INPP4A: variants seen among roughly 807,000 people sequenced by gnomAD.
INPP4A encodes inositol polyphosphate-4-phosphatase type I A.
INPP4A carries 33 observed loss-of-function variants against 119.8 expected under a neutral mutation model. The ratio of observed to expected loss-of-function variants is 0.28; its 90% CI spans 0.21 to 0.37. The LOEUF is 0.37. Ranked by LOEUF, INPP4A falls within the 10% of genes least tolerant of loss-of-function variation. The pLI is 1.00. For synonymous variants in INPP4A, 496 were observed against 500.7 expected, an observed-to-expected ratio of 0.99 and a Z score of 0.12; for missense variants, 956 against 1,289.9, an observed-to-expected ratio of 0.74 and a Z score of 3.97.
intron 21 of INPP4A, among the ~76,000 whole-genome samples, chr2:98,567,113 G>T (rs1379966697): frequency 6.6e-6 from 1 of 152,154 alleles, no homozygotes. Context: ...ATTTAAAGTA[G>T]GTCGTTTCGC....
chr2:98,512,380 C>T (rs1039103028), intron 1 of INPP4A, among the ~76,000 whole-genome samples: 4 of 152,204 alleles, frequency 2.6e-5, no homozygotes, highest in Non-Finnish European at 4.4e-5. Context: ...GTTTAGTCTG[C>T]GGAAGGGCAG....
In INPP4A at chr2:98,591,141, T is replaced by C. The variant is rs560511710; in HGVS notation, c.*3533T>C. 5.4e-6 allele frequency: 1 copy of C among 184,290 alleles called. No homozygotes were observed. Among genetic ancestry groups the C allele is most frequent in the South Asian group, 2.0e-4 (1 of 5,102 alleles). 11.4% of individuals were successfully genotyped at this position (184,290 alleles called of 1,614,324 possible). On this transcript the variant is annotated 3_prime_UTR_variant, in exon 25 of 25. Transcript: ENST00000409851. ...AGTCACATATACCTGTCTTTCATTT[T>C]GATGCTTGTTCTGAAATGGAGTCCT...
In INPP4A at chr2:98,568,729, C is replaced by T. The variant is rs1696923691; in HGVS notation, c.2518+61C>T. The stretch of plus-strand genomic sequence containing the variant: ...CTCGTCTTTTTATCAGTTTAGATGT[C>T]TGAGCTCTGGCTTGCCCTGCCTCTG... On this transcript the variant is annotated intron_variant, in intron 22 of 24. Coordinates refer to ENST00000409851, the MANE Select transcript of INPP4A (RefSeq NM_001134225.2). 3 of 932,242 alleles carry T rather than the reference C, an allele frequency of 3.2e-6. No homozygotes were observed. The South Asian group carries it at 4.2e-5, about 13-fold the overall frequency. The allele number at this position is 932,242 out of a possible 1,614,324, so 57.7% of individuals were successfully genotyped here. A position where few individuals can be genotyped will look rare whatever the true frequency, so the allele number is the denominator to read the frequency against.
chr2:98,509,852 A>G (rs1277505055), intron 1 of INPP4A, among the ~76,000 whole-genome samples: 2 of 152,366 alleles, frequency 1.3e-5, no homozygotes, highest in Admixed American at 6.5e-5. Flanking sequence ...GGTGAACCAC[A>G]AGGAGCTGAG....
chr2:98,496,443 C>T (rs959679870), intron 1 of INPP4A, among the ~76,000 whole-genome samples: 6 of 152,088 alleles, frequency 3.9e-5, no homozygotes, highest in East Asian at 3.8e-4. Flanking sequence ...ATAGGTGAGG[C>T]GCTTCAGGAC....
chr2:98,520,581 GT>G, intron 3 of INPP4A, 105 bp from the exon 4 acceptor site: 1 of 734,988 alleles, frequency 1.4e-6, no homozygotes, highest in South Asian at 1.7e-5. Flanking sequence ...TTGCATGGCA[GT>G]TTTTGTTGTT....
rs79316166 is a variant in INPP4A at position 98,576,967 on chromosome 2, C to T, written c.2632-22C>T. On this transcript the variant is annotated intron_variant, in intron 23 of 24. Coordinates refer to ENST00000409851, the MANE Select transcript of INPP4A (RefSeq NM_001134225.2). ...TTCTGTGGAGCCTCGCCTCTAAGCA[C>T]GGCCCATGTTTCTGTTGGCAGATCT... is the stretch of plus-strand genomic sequence containing the variant. The T allele has an allele frequency of 6.0e-4, 969 of 1,603,080 alleles. 2 individuals are homozygous for T. The highest frequency in any genetic ancestry group is 7.9e-4 in the Non-Finnish European group (922 of 1,171,826).
In INPP4A at chr2:98,566,284, CCTTT is replaced by C; in HGVS notation, c.2420+116_2420+119del. On this transcript the variant is annotated intron_variant, in intron 21 of 24. Coordinates refer to ENST00000409851, the MANE Select transcript of INPP4A (RefSeq NM_001134225.2). This position sits in a 1 kb window ranked among gnomAD's most constrained non-coding sequence, Gnocchi z 4.2. ...TGGACAGACTTTGTCATCCTTCCTT[CCTTT>C]GGCCAACATTTTCATCATGGCCGTG... The C allele has an allele frequency of 8.5e-7, 1 of 1,169,922 alleles. No homozygotes were observed. The highest frequency in any genetic ancestry group is 1.2e-6 in the Non-Finnish European group (1 of 862,206). 72.5% of individuals were successfully genotyped at this position (1,169,922 alleles called of 1,614,324 possible). A position where few individuals can be genotyped will look rare whatever the true frequency, so the allele number is the denominator to read the frequency against.
At chr2:98,508,254 G>A (rs76619368) in intron 1 of INPP4A, among the ~76,000 whole-genome samples, 1 of 152,324 alleles carries the variant, frequency 6.6e-6, no homozygotes, top group East Asian at 1.9e-4. Flanking sequence ...TGACAGCTTT[G>A]TGTTTGGGTG....
At chr2:98,527,734 G>T (rs1217052278) in intron 4 of INPP4A, among the ~76,000 whole-genome samples, 1 of 152,198 alleles carries the variant, frequency 6.6e-6, no homozygotes, top group African/African-American at 2.4e-5. Flanking sequence ...TACAGCAAAG[G>T]TCTGTGATTC....
intron 24 of INPP4A, among the ~76,000 whole-genome samples, chr2:98,578,299 C>T (rs146004793): frequency 2.6e-5 from 4 of 152,300 alleles, no homozygotes; most frequent in East Asian, 3.9e-4. Context: ...CACGCCTGTG[C>T]CCATTAGCTG....
chr2:98,504,836 C>T (rs540703963), intron 1 of INPP4A, among the ~76,000 whole-genome samples: 11 of 152,320 alleles, frequency 7.2e-5, no homozygotes, highest in Admixed American at 3.3e-4. Context: ...CTGCTCTTAA[C>T]GTGGCGCTGT....
chr2:98,455,356 A>T (rs1341954407), intron 1 of INPP4A, among the ~76,000 whole-genome samples: 2 of 152,108 alleles, frequency 1.3e-5, no homozygotes, highest in Non-Finnish European at 2.9e-5. Context: ...AAGAAAAAAA[A>T]AAGATACCCC....
chr2:98,548,536 G>T (rs35407153), intron 13 of INPP4A, among the ~76,000 whole-genome samples: 34,820 of 152,034 alleles, frequency 0.23, 4,501 homozygotes, highest in Non-Finnish European at 0.3. Flanking sequence ...GCCTTCTGGG[G>T]GTCTTTGTCC....
intron 1 of INPP4A, among the ~76,000 whole-genome samples, chr2:98,451,503 C>T (rs975852559): frequency 4.6e-5 from 7 of 152,078 alleles, no homozygotes; most frequent in Admixed American, 1.3e-4. Flanking sequence ...CCTCCTAGAG[C>T]GCTTTCCCTG....
intron 4 of INPP4A, among the ~76,000 whole-genome samples, chr2:98,524,150 A>G (rs999799483): frequency 2.6e-5 from 4 of 152,192 alleles, no homozygotes; most frequent in African/African-American, 9.6e-5. Flanking sequence ...CAGTGAACGT[A>G]TTCATACATA....
At position 98,469,694 on chromosome 2, in the gene INPP4A, C is replaced by T. The variant is rs2104808250; in HGVS notation, c.-166+24609C>T. Reference sequence around the variant, plus strand: ...GGGCGCATCCCTGTAATCCCAGCTACTTGGGAGGCTGAGGCAGGAGAATCC... The same window carrying T: ...GGGCGCATCCCTGTAATCCCAGCTATTTGGGAGGCTGAGGCAGGAGAATCC... On this transcript the variant is annotated intron_variant, in intron 1 of 24. Coordinates refer to ENST00000409851, the MANE Select transcript of INPP4A (RefSeq NM_001134225.2). 2.0e-5 allele frequency among the ~76,000 whole-genome samples: 3 copies of T among 151,550 alleles called. No homozygotes were observed. The Middle Eastern group carries it at 0.01, about 523-fold the overall frequency.
intron 24 of INPP4A, among the ~76,000 whole-genome samples, chr2:98,584,281 A>G (rs1376102939): frequency 1.3e-5 from 2 of 152,274 alleles, no homozygotes; most frequent in East Asian, 3.8e-4. Context: ...AGCCTCATTC[A>G]GTTCCCATTA....
chr2:98,551,130 AT>A (rs919489877), intron 13 of INPP4A, among the ~76,000 whole-genome samples: 32 of 152,104 alleles, frequency 2.1e-4, no homozygotes, highest in African/African-American at 7.5e-4. Flanking sequence ...TAATTTTTAA[AT>A]TTTTTTAAAA....
Sources: gnomAD v4.1 joint callset for allele counts (sites outside exome capture counted in the v4.1 genomes callset) on GRCh38, gnomAD v4.1.1 for gene constraint, Gnocchi (gnomAD v3.1) non-coding constraint, MANE v1.5 for transcripts, NCBI Gene and HGNC (gene_info 2026-07-23, HGNC 2026-07-21) for gene names.